NUP214: variants seen among roughly 807,000 people sequenced by gnomAD.
The protein encoded by NUP214 is nuclear pore complex protein Nup214.
NUP214 carries 79 observed loss-of-function variants against 196.2 expected under a neutral mutation model. The observed-to-expected ratio is 0.40, with a 90% confidence interval of 0.34 to 0.49. NUP214 has a LOEUF of 0.49. NUP214 is among the 20% of genes least tolerant of loss of function. The pLI, the probability that NUP214 is intolerant of heterozygous loss-of-function variation, is 0.58. For synonymous variants in NUP214, 1,020 were observed against 990.5 expected (o/e 1.03, Z -0.56); for missense variants, 2,468 against 2,539.0 (o/e 0.97, Z 0.60).
At position 131,233,778 on chromosome 9, in the gene NUP214, G is replaced by A. The variant is rs2131117922; in HGVS notation, c.*291G>A. 2 of 466,478 alleles carry A rather than the reference G, an allele frequency of 4.3e-6. No individual in the cohort carries two copies. The highest frequency in any genetic ancestry group is 7.7e-5 in the East Asian group (2 of 26,094). The allele number at this position is 466,478 out of a possible 1,614,324, so 28.9% of individuals were successfully genotyped here. ...TCTGTGGCTCTGAGAAGCCAGCAGA[G>A]CCTCCATCAGCCAGAACACTGTGTC... is the stretch of plus-strand genomic sequence containing the variant. On this transcript the variant is annotated 3_prime_UTR_variant, in exon 36 of 36. Transcript: ENST00000359428.
At chr9:131,169,800 C>T (rs1392817407) in intron 21 of NUP214, among the ~76,000 whole-genome samples, 3 of 152,174 alleles carry the variant, frequency 2.0e-5, no homozygotes, top group Non-Finnish European at 4.4e-5. Flanking sequence ...GTCTGTGTTT[C>T]AGCAAAACTT....
chr9:131,197,540 C>A lies in NUP214; in HGVS notation c.4046C>A (p.Thr1349Asn). The A allele has an allele frequency of 6.2e-7, 1 of 1,614,178 alleles. No individual in the cohort carries two copies. The highest frequency in any genetic ancestry group is 1.3e-5 in the African/African-American group (1 of 75,042). The change falls in exon 29 of 36, where the codon ACC (threonine) becomes AAC (asparagine). Residue 1349 changes from threonine to asparagine, a missense_variant. This residue lies in a region of NUP214 where 1,801 missense variants were observed against 1,779.4 expected (regional missense o/e 1.01). Transcript: ENST00000359428. ...CAAGCAGATGATTCTACAAAACCAA[C>A]CAATAAGGCTTCATCCACAAGCCTA... ...VGQADDSTKP[T>N]NKASSTSLTS... is the part of the protein sequence containing the mutation.
At chr9:131,213,464 T>G (rs1348244639) in intron 30 of NUP214, among the ~76,000 whole-genome samples, 1 of 152,194 alleles carries the variant, frequency 6.6e-6, no homozygotes, top group African/African-American at 2.4e-5. Context: ...CATGAGCCGC[T>G]GCACCCAGCC....
chr9:131,192,300 A>G lies in NUP214; in HGVS notation c.3659+8A>G. 1.3e-6 allele frequency: 2 copies of G among 1,575,240 alleles called. No individual in the cohort carries two copies. The highest frequency in any genetic ancestry group is 1.7e-6 in the Non-Finnish European group (2 of 1,154,240). On this transcript the variant is annotated splice_region_variant and intron_variant, in intron 27 of 35. Coordinates refer to ENST00000359428, the MANE Select transcript of NUP214 (RefSeq NM_005085.4). ...CTCATTTTCTCCATCAGGGTCAGTA[A>G]TGAACTTAAGTTTTATGGCAAATTA...
At chr9:131,164,260 G>GT (rs1203308666) in intron 21 of NUP214, 116 bp downstream of exon 21, 3 of 832,528 alleles carry the variant, frequency 3.6e-6, no homozygotes, top group African/African-American at 3.4e-5. Context: ...GTATGTGTGT[G>GT]TAAGTGTGTG....
intron 18 of NUP214, among the ~76,000 whole-genome samples, chr9:131,160,641 G>T (rs746625081): frequency 6.6e-6 from 1 of 152,174 alleles, no homozygotes; most frequent in Non-Finnish European, 1.5e-5. Context: ...ACCAAGAAAT[G>T]GTCTATTTGA....
chr9:131,229,520 C>T, intron 33 of NUP214: 1 of 343,708 alleles, frequency 2.9e-6, no homozygotes, highest in Non-Finnish European at 5.7e-6. Flanking sequence ...TTGAAACCAG[C>T]TGTTTTCTTT....
intron 21 of NUP214, 54 bp from the exon 22 acceptor site, chr9:131,174,001 C>T: frequency 6.4e-7 from 1 of 1,573,074 alleles, no homozygotes; most frequent in South Asian, 1.2e-5. Flanking sequence ...AATTACTTAG[C>T]TTTTGGGCTT....
At chr9:131,188,585 T>C (rs1452513600) in intron 25 of NUP214, among the ~76,000 whole-genome samples, 1 of 152,264 alleles carries the variant, frequency 6.6e-6, no homozygotes, top group African/African-American at 2.4e-5. Flanking sequence ...GAGGTATTTG[T>C]GTTCACCATG....
chr9:131,206,793 A>G (rs116302254), intron 30 of NUP214, among the ~76,000 whole-genome samples: 6,156 of 152,288 alleles, frequency 0.04, 162 homozygotes, highest in African/African-American at 0.077. Flanking sequence ...TTTCAGCTCC[A>G]TGTATAACTA....
At chr9:131,196,027 C>CGG (rs1265684954) in intron 28 of NUP214, among the ~76,000 whole-genome samples, 2 of 24,294 alleles carry the variant, frequency 8.2e-5, no homozygotes, top group Non-Finnish European at 4.3e-4. Flanking sequence ...TCTGTGTGTC[C>CGG]CCCCCCCCCC....
chr9:131,177,102 A>G (rs1475722842), intron 23 of NUP214, among the ~76,000 whole-genome samples: 3 of 152,210 alleles, frequency 2.0e-5, no homozygotes, highest in Admixed American at 6.5e-5. Context: ...AACACTTATC[A>G]ATTTAGAGTT....
intron 5 of NUP214, among the ~76,000 whole-genome samples, chr9:131,131,417 A>G (rs747691716): frequency 1.3e-5 from 2 of 152,190 alleles, no homozygotes; most frequent in African/African-American, 2.4e-5. Context: ...CCATATGTCT[A>G]TTGAGCCTGG....
At chr9:131,136,876 A>C (rs1831744816) in intron 9 of NUP214, 1 of 152,216 alleles carries the variant, frequency 6.6e-6, no homozygotes, top group African/African-American at 2.4e-5. Context: ...ACTGGCTTGA[A>C]CTTAAAAATC....
At chr9:131,192,996 C>CTAAACT (rs1274051893) in intron 27 of NUP214, among the ~76,000 whole-genome samples, 1 of 127,552 alleles carries the variant, frequency 7.8e-6, no homozygotes, top group African/African-American at 2.9e-5. Flanking sequence ...GTACAGTATA[C>CTAAACT]TAAACTTAGA....
In NUP214 at chr9:131,130,798, G is replaced by T; in HGVS notation, c.625G>T (p.Val209Leu). The change falls in exon 5 of 36, where the codon GTG becomes TTG. Residue 209 changes from valine to leucine, a missense_variant. Coordinates refer to ENST00000359428, the MANE Select transcript of NUP214 (RefSeq NM_005085.4). Reference sequence around the variant, plus strand: ...GAGCCCCAAAGGAAAGCAGCTGGCAGTGGGAAAACAGAATGGAACTGTGGT... The same window carrying T: ...GAGCCCCAAAGGAAAGCAGCTGGCATTGGGAAAACAGAATGGAACTGTGGT... ...CWSPKGKQLA[V>L]GKQNGTVVQY... is the part of the protein sequence containing the mutation. 1 of 1,614,206 alleles carries T rather than the reference G, an allele frequency of 6.2e-7. No homozygotes were observed. The highest frequency in any genetic ancestry group is 8.5e-7 in the Non-Finnish European group (1 of 1,180,014).
intron 32 of NUP214, among the ~76,000 whole-genome samples, chr9:131,223,258 C>G (rs2131095733): frequency 6.6e-6 from 1 of 152,208 alleles, no homozygotes; most frequent in Admixed American, 6.5e-5. Flanking sequence ...CCTCCAACTC[C>G]CTGGTTCAAG....
At chr9:131,139,054 G>T (rs1195600790) in intron 9 of NUP214, among the ~76,000 whole-genome samples, 1 of 152,142 alleles carries the variant, frequency 6.6e-6, no homozygotes, top group Non-Finnish European at 1.5e-5. Context: ...CAGATAGAGA[G>T]GGGGTTGATT....
At chr9:131,160,598 G>C (rs1260871705) in intron 18 of NUP214, among the ~76,000 whole-genome samples, 1 of 152,194 alleles carries the variant, frequency 6.6e-6, no homozygotes, top group Non-Finnish European at 1.5e-5. Flanking sequence ...ACCTACACTT[G>C]ATTAATGATT....
Sources: gnomAD v4.1 joint callset for allele counts (sites outside exome capture counted in the v4.1 genomes callset) on GRCh38, gnomAD v4.1.1 for gene constraint, gnomAD v4.1.1 regional missense constraint, MANE v1.5 for transcripts, NCBI Gene and HGNC (gene_info 2026-07-23, HGNC 2026-07-21) for gene names.